Variants in JAKMIP3 observed in about 807,000 individuals in gnomAD.
The protein encoded by JAKMIP3 is janus kinase and microtubule-interacting protein 3.
JAKMIP3 carries 58 observed loss-of-function variants against 118.5 expected under a neutral mutation model. That is an observed-to-expected ratio of 0.49 (90% CI 0.40 to 0.61). The LOEUF (loss-of-function observed/expected upper bound fraction) is 0.61. Among genes scored for constraint, JAKMIP3 ranks in the 20% least tolerant of loss-of-function variants. The pLI, the probability that JAKMIP3 is intolerant of heterozygous loss-of-function variation, is 0.00. For missense variants in JAKMIP3, 950 were observed against 1,109.0 expected, an observed-to-expected ratio of 0.86 and a Z score of 2.04; for synonymous variants, 486 against 451.2, an observed-to-expected ratio of 1.08 and a Z score of -0.98.
intron 1 of JAKMIP3, among the ~76,000 whole-genome samples, chr10:132,070,867 G>A (rs149541160): frequency 6.6e-6 from 1 of 152,252 alleles, no homozygotes; most frequent in Non-Finnish European, 1.5e-5. Context: ...CACAAGCGCT[G>A]GGCTTGCAGC....
intron 10 of JAKMIP3, among the ~76,000 whole-genome samples, 198 bp from the exon 11 acceptor site, chr10:132,141,722 C>T (rs2053551500): frequency 6.6e-6 from 1 of 152,196 alleles, no homozygotes; most frequent in Non-Finnish European, 1.5e-5. Flanking sequence ...AAACCTTTCT[C>T]CAAACAGCAC....
rs1171822499 is a variant in JAKMIP3, at chr10:132,180,576, TGTGC to T, written c.*1104-1775_*1104-1772del. Among the ~76,000 whole-genome samples the T allele has an allele frequency of 8.5e-4, 17 of 19,924 alleles. 1 individual carries two copies. Among genetic ancestry groups the T allele is most frequent in the East Asian group, 9.6e-3 (1 of 104 alleles). The allele number at this position is 19,924 out of a possible 152,430, so 13.1% of individuals were successfully genotyped here. A position where few individuals can be genotyped will look rare whatever the true frequency, so the allele number is the denominator to read the frequency against. On this transcript the variant is annotated intron_variant, in intron 23 of 23. Coordinates refer to ENST00000684848, the MANE Select transcript of JAKMIP3 (RefSeq NM_001323087.2). ...GTGCATGCGTGTGTGTGCGTGTGTG[TGTGC>T]GTGCGCGTGTGTGTGTGCGTGCGCG...
chr10:132,180,689 GTGC>G (rs2061068469), intron 23 of JAKMIP3, among the ~76,000 whole-genome samples: 1 of 34,346 alleles, frequency 2.9e-5, no homozygotes, highest in East Asian at 2.8e-3. Flanking sequence ...GCGCGTGTGT[GTGC>G]GTGCGTGTGT....
chr10:132,060,974 A>G (rs2038374721), upstream of JAKMIP3, among the ~76,000 whole-genome samples: 1 of 152,174 alleles, frequency 6.6e-6, no homozygotes, highest in African/African-American at 2.4e-5. Context: ...GCAGCGGGCC[A>G]AGATCGCACC....
rs373374350 is a variant in JAKMIP3 at position 132,117,029 on chromosome 10, T to A, written c.136-48T>A. ...AAATGCACATTCAGGTGTGAGTGTGTGCATGGCTGGAGCTCCTGCCACACT... is the reference window on the plus strand; with the variant it reads ...AAATGCACATTCAGGTGTGAGTGTGAGCATGGCTGGAGCTCCTGCCACACT... On this transcript the variant is annotated intron_variant, in intron 2 of 23. Transcript: ENST00000684848. The surrounding 1 kb of genome is among the most constrained non-coding windows in gnomAD (Gnocchi z 8.6). 3 of 1,564,660 alleles carry A rather than the reference T, an allele frequency of 1.9e-6. No individual in the cohort carries two copies. Among genetic ancestry groups the A allele is most frequent in the Non-Finnish European group, 1.7e-6 (2 of 1,151,846 alleles).
intron 1 of JAKMIP3, among the ~76,000 whole-genome samples, chr10:132,097,692 G>A (rs990691603): frequency 3.3e-5 from 5 of 151,568 alleles, no homozygotes; most frequent in Non-Finnish European, 5.9e-5. Context: ...GGGGATGTGC[G>A]GCATCTGTAT....
chr10:132,170,403 C>T (rs79939639), intron 23 of JAKMIP3, among the ~76,000 whole-genome samples: 9 of 152,218 alleles, frequency 5.9e-5, no homozygotes, highest in Admixed American at 4.6e-4. Flanking sequence ...ACTCCCACCC[C>T]CTGCGGGCCA....
At position 132,117,159 on chromosome 10, in the gene JAKMIP3, C is replaced by T. The variant is rs1299965004; in HGVS notation, c.218C>T (p.Thr73Met). 3 of 1,613,816 alleles carry T rather than the reference C, an allele frequency of 1.9e-6. No homozygotes were observed. Among genetic ancestry groups the T allele is most frequent in the Admixed American group, 1.7e-5 (1 of 60,030 alleles). The stretch of plus-strand genomic sequence containing the variant: ...CAGCATAAGACCGCGGTCTTGCTCA[C>T]GGAGCTCAAGACAAAGCTGCACGAG... ...HEQHKTAVLL[T>M]ELKTKLHEEK... Residue 73 changes from threonine to methionine, a missense_variant, in exon 3 of 24, where the codon ACG becomes ATG. By Grantham distance (81) the Thr-to-Met change is moderately conservative. Transcript: ENST00000684848. The surrounding 1 kb of genome is among the most constrained non-coding windows in gnomAD (Gnocchi z 8.6).
At chr10:132,122,872 C>G (rs2048793515) in intron 3 of JAKMIP3, among the ~76,000 whole-genome samples, 1 of 152,212 alleles carries the variant, frequency 6.6e-6, no homozygotes, top group Non-Finnish European at 1.5e-5. Flanking sequence ...GGGGTTAGAG[C>G]TGCTGCTTTG....
Position 132,179,483 on chromosome 10 carries a change from C to T in JAKMIP3, c.*1104-2874C>T, listed in dbSNP as rs985016469. On this transcript the variant is annotated intron_variant, in intron 23 of 23. Coordinates refer to ENST00000684848, the MANE Select transcript of JAKMIP3 (RefSeq NM_001323087.2). This position sits in a 1 kb window ranked among gnomAD's most constrained non-coding sequence, Gnocchi z 4.3. The stretch of plus-strand genomic sequence containing the variant: ...ATTATCTGGGTTTCTCCCGCGGAAC[C>T]CTTACTGTGGCACTGATACACTCAC... Among the ~76,000 whole-genome samples, 3 of 152,146 alleles carry T rather than the reference C, an allele frequency of 2.0e-5. No individual in the cohort carries two copies. Among genetic ancestry groups the T allele is most frequent in the Non-Finnish European group, 2.9e-5 (2 of 68,022 alleles).
rs1443815668 is a variant in JAKMIP3 at position 132,179,866 on chromosome 10, G to A, written c.*1104-2491G>A. Among the ~76,000 whole-genome samples, 5 of 152,190 alleles carry A rather than the reference G, an allele frequency of 3.3e-5. No homozygotes were observed. Among genetic ancestry groups the A allele is most frequent in the Admixed American group, 2.0e-4 (3 of 15,284 alleles). On this transcript the variant is annotated intron_variant, in intron 23 of 23. Coordinates refer to ENST00000684848, the MANE Select transcript of JAKMIP3 (RefSeq NM_001323087.2). This position sits in a 1 kb window ranked among gnomAD's most constrained non-coding sequence, Gnocchi z 4.3. ...AGAGTTCACAGGCACAGCCTGGAGAGGCCTGTGAGCAGACTTCCTGTGCTC... is the reference window on the plus strand; with the variant it reads ...AGAGTTCACAGGCACAGCCTGGAGAAGCCTGTGAGCAGACTTCCTGTGCTC...
chr10:132,075,068 T>C (rs2040563830), intron 1 of JAKMIP3, among the ~76,000 whole-genome samples: 1 of 152,262 alleles, frequency 6.6e-6, no homozygotes, highest in African/African-American at 2.4e-5. Flanking sequence ...CATGCTGTTT[T>C]GGTTACTATA....
At position 132,158,410 on chromosome 10, in the gene JAKMIP3, C is replaced by T. The variant is rs1364599074; in HGVS notation, c.2220+4420C>T. Reference sequence around the variant, plus strand: ...GAGATGTAGGTCTCCACACACATTTCCAGAAGATCAAAGCCCAGCTTCAGC... The same window carrying T: ...GAGATGTAGGTCTCCACACACATTTTCAGAAGATCAAAGCCCAGCTTCAGC... On this transcript the variant is annotated intron_variant, in intron 19 of 23. Coordinates refer to ENST00000684848, the MANE Select transcript of JAKMIP3 (RefSeq NM_001323087.2). Among the ~76,000 whole-genome samples the T allele has an allele frequency of 7.9e-5, 12 of 152,342 alleles. No homozygotes were observed. In the East Asian group the frequency reaches 2.3e-3, roughly 29 times the overall value.
At chr10:132,139,187 T>C (rs980603182) in intron 9 of JAKMIP3, among the ~76,000 whole-genome samples, 2 of 65,354 alleles carry the variant, frequency 3.1e-5, no homozygotes, top group African/African-American at 2.8e-4. Flanking sequence ...TGTCTGTGTA[T>C]GTGTGTGTAT....
chr10:132,138,203 G>A (rs2814179), intron 9 of JAKMIP3, 25 bp downstream of exon 9: 124,534 of 1,588,290 alleles, frequency 0.078, 5,563 homozygotes, highest in Middle Eastern at 0.16. Context: ...ACCGGCACGT[G>A]CGGAGAGTAC....
chr10:132,099,018 G>A (rs1046942376), intron 1 of JAKMIP3, among the ~76,000 whole-genome samples: 1 of 152,190 alleles, frequency 6.6e-6, no homozygotes, highest in African/African-American at 2.4e-5. Context: ...TGAGGTCACA[G>A]GAGCTGCAGA....
intron 3 of JAKMIP3, among the ~76,000 whole-genome samples, chr10:132,128,567 TC>T (rs1427191035): frequency 6.6e-6 from 1 of 152,242 alleles, no homozygotes; most frequent in East Asian, 1.9e-4. Flanking sequence ...CTTACATTTT[TC>T]TTGAGCTCTA....
At chr10:132,138,607 A>C (rs1464940354) in intron 9 of JAKMIP3, among the ~76,000 whole-genome samples, 1 of 152,252 alleles carries the variant, frequency 6.6e-6, no homozygotes, top group Non-Finnish European at 1.5e-5. Context: ...CAAAGAAAAT[A>C]TTCTGTTTAT....
intron 10 of JAKMIP3, among the ~76,000 whole-genome samples, chr10:132,140,923 C>T (rs2053389609): frequency 6.6e-6 from 1 of 152,232 alleles, no homozygotes; most frequent in Non-Finnish European, 1.5e-5. Flanking sequence ...GGGGCCTCCC[C>T]AGGAGGGTCT....
Sources: gnomAD v4.1 joint callset for allele counts (sites outside exome capture counted in the v4.1 genomes callset) on GRCh38, gnomAD v4.1.1 for gene constraint, Gnocchi (gnomAD v3.1) non-coding constraint, MANE v1.5 for transcripts, NCBI Gene and HGNC (gene_info 2026-07-23, HGNC 2026-07-21) for gene names.